Variants in MYLK observed in about 807,000 individuals in gnomAD.
MYLK encodes myosin light chain kinase.
MYLK carries 106 observed loss-of-function variants against 203.4 expected under a neutral mutation model. The observed-to-expected ratio is 0.52, with a 90% CI of 0.45 to 0.61. The LOEUF (loss-of-function observed/expected upper bound fraction) is 0.61. MYLK is among the 20% of genes least tolerant of loss of function. The probability of loss-of-function intolerance (pLI) is 0.00; values close to 1 mark genes in which losing one functional copy is unlikely to be tolerated. For missense variants in MYLK, 2,072 were observed against 2,442.3 expected (o/e 0.85, Z 3.20); for synonymous variants, 867 against 959.5 (o/e 0.90, Z 1.78).
intron 2 of MYLK, among the ~76,000 whole-genome samples, chr3:123,855,561 C>T (rs2031288702): frequency 6.6e-6 from 1 of 151,762 alleles, no homozygotes; most frequent in Admixed American, 6.6e-5. Flanking sequence ...TTTGCTTAAG[C>T]CCAGGAGTTG....
intron 13 of MYLK, 33 bp downstream of exon 13, chr3:123,722,095 G>A: frequency 1.3e-6 from 2 of 1,555,482 alleles, no homozygotes; most frequent in African/African-American, 2.7e-5. Context: ...CTGCAGGAAA[G>A]GTGCTTCTAC....
At chr3:123,825,650 T>C (rs955896713) in intron 3 of MYLK, among the ~76,000 whole-genome samples, 9 of 152,224 alleles carry the variant, frequency 5.9e-5, no homozygotes, top group African/African-American at 2.2e-4. Flanking sequence ...CAGCCACCTC[T>C]GGATTGCATC....
Position 123,648,841 on chromosome 3 carries a change from C to T in MYLK, c.4415+130G>A, listed in dbSNP as rs895926416. On this transcript the variant is annotated intron_variant, in intron 26 of 33. Coordinates refer to ENST00000360304, the MANE Select transcript of MYLK (RefSeq NM_053025.4). This position sits in a 1 kb window ranked among gnomAD's most constrained non-coding sequence, Gnocchi z 4.5. Reference sequence around the variant, plus strand: ...CTTTCGTGGGTCAGTCCTTTGGATCCTGCAGGACTCTCAGTCTGGGGAGGA... The same window carrying T: ...CTTTCGTGGGTCAGTCCTTTGGATCTTGCAGGACTCTCAGTCTGGGGAGGA... 8.0e-5 allele frequency: 64 copies of T among 798,180 alleles called. No homozygotes were observed. The African/African-American group carries it at 8.2e-4, about 10-fold the overall frequency. The allele number at this position is 798,180 out of a possible 1,614,324, so 49.4% of individuals were successfully genotyped here. A position where few individuals can be genotyped will look rare whatever the true frequency, so the allele number is the denominator to read the frequency against.
At position 123,614,111 on chromosome 3, in the gene MYLK, T is replaced by C; in HGVS notation, c.5739A>G (p.Glu1913=). The part of the protein sequence containing the change: ...EEGEGEGEEE[E]E Reference sequence around the variant, plus strand: ...GCTTTTCTCTGGCTTTGTTTCACTCTTCTTCCTCTTCCCCTTCCCCTTCAC... The same window carrying C: ...GCTTTTCTCTGGCTTTGTTTCACTCCTCTTCCTCTTCCCCTTCCCCTTCAC... Residue 1913 remains glutamate, a synonymous_variant, in exon 34 of 34, where the codon GAA becomes GAG. Coordinates refer to ENST00000360304, the MANE Select transcript of MYLK (RefSeq NM_053025.4). 1 of 1,613,940 alleles carries C rather than the reference T, an allele frequency of 6.2e-7. No individual in the cohort carries two copies.
At chr3:123,787,711 A>C (rs560467670) in intron 4 of MYLK, among the ~76,000 whole-genome samples, 19 of 152,288 alleles carry the variant, frequency 1.2e-4, no homozygotes, top group African/African-American at 4.1e-4. Context: ...ACCCTACAAA[A>C]AATCAGGATA....
intron 19 of MYLK, among the ~76,000 whole-genome samples, chr3:123,688,609 T>G (rs1047041258): frequency 9.2e-5 from 14 of 152,124 alleles, no homozygotes; most frequent in Non-Finnish European, 1.3e-4. Flanking sequence ...AATCTCATTT[T>G]TTTTGTCCTA....
chr3:123,652,330 A>G (rs139433766), intron 24 of MYLK, among the ~76,000 whole-genome samples: 352 of 152,200 alleles, frequency 2.3e-3, no homozygotes, highest in African/African-American at 7.9e-3. Flanking sequence ...GAGCTATGAG[A>G]TCCATGAGCT....
chr3:123,797,662 G>A (rs1179055307), intron 3 of MYLK, among the ~76,000 whole-genome samples: 1 of 152,126 alleles, frequency 6.6e-6, no homozygotes, highest in Non-Finnish European at 1.5e-5. Flanking sequence ...CCACAAACCC[G>A]GGGACACGGC....
At chr3:123,739,824 T>C in intron 6 of MYLK, 129 bp downstream of exon 6, 1 of 1,022,906 alleles carries the variant, frequency 9.8e-7, no homozygotes, top group Non-Finnish European at 1.5e-6. Flanking sequence ...ACACATCTCA[T>C]TGTACTAGGC....
Position 123,733,178 on chromosome 3 carries a change from G to T in MYLK, c.1310-76C>A. 1.1e-5 allele frequency: 17 copies of T among 1,509,668 alleles called. No homozygotes were observed. In the South Asian group the frequency reaches 1.9e-4, roughly 17 times the overall value. The allele number at this position is 1,509,668 out of a possible 1,614,324, so 93.5% of individuals were successfully genotyped here. A position where few individuals can be genotyped will look rare whatever the true frequency, so the allele number is the denominator to read the frequency against. On this transcript the variant is annotated intron_variant, in intron 10 of 33. Transcript: ENST00000360304. ...TGTGATTGTGAGGTAGGTGGGGAAG[G>T]TGTGAGCTGGAGGAAAGGGCTCAGT... is the stretch of plus-strand genomic sequence containing the variant.
intron 20 of MYLK, among the ~76,000 whole-genome samples, chr3:123,672,600 C>T (rs980988978): frequency 1.4e-4 from 22 of 152,320 alleles, no homozygotes; most frequent in African/African-American, 5.3e-4. Context: ...CTGCCCCATA[C>T]TTGGTGGCTC....
At chr3:123,739,904 G>A in intron 6 of MYLK, 49 bp downstream of exon 6, 1 of 1,600,084 alleles carries the variant, frequency 6.2e-7, no homozygotes, top group East Asian at 2.2e-5. Flanking sequence ...GCTCAAGTCA[G>A]CAGGAAAGCA....
chr3:123,766,852 T>A (rs2063720550), intron 4 of MYLK, among the ~76,000 whole-genome samples: 1 of 152,158 alleles, frequency 6.6e-6, no homozygotes, highest in Non-Finnish European at 1.5e-5. Context: ...AAGAAACACA[T>A]ACCAACAACC....
chr3:123,725,964 C>G lies in MYLK; in HGVS notation c.1631G>C (p.Arg544Pro), dbSNP rs146724203. Reference sequence around the variant, plus strand: ...CTCACCATTCAGCAGCCAAGTGATCCGGGGCACTGGGGTCCCCCGTACGGA... The same window carrying G: ...CTCACCATTCAGCAGCCAAGTGATCGGGGGCACTGGGGTCCCCCGTACGGA... Reference protein sequence around the residue: ...QCSVRGTPVPRITWLLNGQPI... With the variant: ...QCSVRGTPVPPITWLLNGQPI... The change falls in exon 12 of 34, where the codon CGG (arginine) becomes CCG (proline). Residue 544 changes from arginine to proline, a missense_variant. By Grantham distance (103) the Arg-to-Pro change is moderately radical (BLOSUM62 -2). This residue lies in a region of MYLK where 865 missense variants were observed against 1,016.0 expected (regional missense o/e 0.85). Coordinates refer to ENST00000360304, the MANE Select transcript of MYLK (RefSeq NM_053025.4). 9 of 1,613,920 alleles carry G rather than the reference C, an allele frequency of 5.6e-6. No homozygotes were observed. The African/African-American group carries it at 8.0e-5, about 14-fold the overall frequency.
chr3:123,792,119 T>A (rs2064805265), intron 4 of MYLK, among the ~76,000 whole-genome samples: 1 of 152,210 alleles, frequency 6.6e-6, no homozygotes, highest in South Asian at 2.1e-4. Context: ...CAAGGCATGG[T>A]TCTTTCATGA....
At chr3:123,859,669 A>G (rs192535375) in intron 2 of MYLK, among the ~76,000 whole-genome samples, 32 of 152,382 alleles carry the variant, frequency 2.1e-4, no homozygotes, top group Non-Finnish European at 1.5e-5. Flanking sequence ...CTCAAGGAGT[A>G]AAAGACAAAT....
chr3:123,682,100 C>T (rs1055817502), intron 20 of MYLK, 124 bp downstream of exon 20: 7 of 777,516 alleles, frequency 9.0e-6, no homozygotes, highest in Non-Finnish European at 1.6e-5. Flanking sequence ...GGGCAGACAT[C>T]AGACTTCCAG....
At chr3:123,667,794 G>A (rs1446128330) in intron 20 of MYLK, among the ~76,000 whole-genome samples, 3 of 152,142 alleles carry the variant, frequency 2.0e-5, no homozygotes, top group African/African-American at 4.8e-5. Context: ...TTTCGAAGAC[G>A]ATAATGCCAC....
At chr3:123,796,683 G>A (rs1226288706) in intron 3 of MYLK, among the ~76,000 whole-genome samples, 2 of 152,140 alleles carry the variant, frequency 1.3e-5, no homozygotes, top group East Asian at 3.8e-4. Context: ...AATAATCCAA[G>A]AGTGCAAATT....
Sources: gnomAD v4.1 joint callset for allele counts (sites outside exome capture counted in the v4.1 genomes callset) on GRCh38, gnomAD v4.1.1 for gene constraint, gnomAD v4.1.1 regional missense constraint, Gnocchi (gnomAD v3.1) non-coding constraint, MANE v1.5 for transcripts, NCBI Gene and HGNC (gene_info 2026-07-23, HGNC 2026-07-21) for gene names.